The following CHL1 variants were observed in gnomAD, a reference collection of about 807,000 sequenced individuals.
CHL1 encodes the protein neural cell adhesion molecule L1-like protein.
CHL1 carries 96 observed loss-of-function variants against 141.9 expected under a neutral mutation model. The ratio of observed to expected loss-of-function variants is 0.68; its 90% CI spans 0.57 to 0.80. The LOEUF (loss-of-function observed/expected upper bound fraction) is 0.80. Among genes scored for constraint, CHL1 ranks in the 30% least tolerant of loss-of-function variants. The pLI is 0.00. For missense variants in CHL1, 1,820 were observed against 1,457.2 expected, an observed-to-expected ratio of 1.25 and a Z score of -4.05; for synonymous variants, 613 against 502.2, an observed-to-expected ratio of 1.22 and a Z score of -2.95.
intron 2 of CHL1, among the ~76,000 whole-genome samples, chr3:311,266 A>T (rs1699728783): frequency 6.6e-6 from 1 of 151,950 alleles, no homozygotes; most frequent in African/African-American, 2.4e-5. Flanking sequence ...CACATGTGAG[A>T]GTTTGTTTAG....
chr3:369,495 T>A (rs997048360), intron 15 of CHL1, among the ~76,000 whole-genome samples: 1 of 152,242 alleles, frequency 6.6e-6, no homozygotes, highest in Non-Finnish European at 1.5e-5. Flanking sequence ...CAAGGAGTTT[T>A]GGGGCTTAGA....
chr3:282,176 G>A (rs1559196151), intron 2 of CHL1, among the ~76,000 whole-genome samples: 1 of 151,738 alleles, frequency 6.6e-6, no homozygotes, highest in Non-Finnish European at 1.5e-5. Context: ...ATCTGTTCTG[G>A]GGAATACAAT....
At chr3:229,785 T>C (rs1308398347) in intron 1 of CHL1, among the ~76,000 whole-genome samples, 1 of 152,226 alleles carries the variant, frequency 6.6e-6, no homozygotes, top group Non-Finnish European at 1.5e-5. Context: ...ATGTTGACTG[T>C]GCACAGTTTA....
chr3:198,362 C>G (rs1369314932), intron 1 of CHL1, among the ~76,000 whole-genome samples: 2 of 151,846 alleles, frequency 1.3e-5, no homozygotes, highest in Non-Finnish European at 2.9e-5. Context: ...CGCGCTCCCG[C>G]GGGAACGCGC....
intron 5 of CHL1, among the ~76,000 whole-genome samples, chr3:338,052 G>A (rs1559276464): frequency 6.6e-6 from 1 of 152,100 alleles, no homozygotes; most frequent in Non-Finnish European, 1.5e-5. Flanking sequence ...TTTTAGTAGA[G>A]ACGGGGTTTC....
chr3:328,203 C>T lies in CHL1; in HGVS notation c.234C>T (p.Phe78=), dbSNP rs1701157370. ...CTAAGGATGGCAACCCTTTTTATTTCACTGACCATCGGATAATTCCATCGA... is the reference window on the plus strand; with the variant it reads ...CTAAGGATGGCAACCCTTTTTATTTTACTGACCATCGGATAATTCCATCGA... The part of the protein sequence containing the change: ...SWTKDGNPFY[F]TDHRIIPSNN... Residue 78 remains phenylalanine (F), a synonymous_variant, in exon 5 of 28, where the codon TTC becomes TTT. Transcript: ENST00000256509. 6.2e-7 allele frequency: 1 copy of T among 1,604,570 alleles called. No homozygotes were observed.
At chr3:369,351 C>T (rs1332786813) in intron 15 of CHL1, among the ~76,000 whole-genome samples, 3 of 151,790 alleles carry the variant, frequency 2.0e-5, no homozygotes, top group African/African-American at 7.3e-5. Flanking sequence ...ATTTGATTCT[C>T]TTTGTAGCAA....
intron 1 of CHL1, among the ~76,000 whole-genome samples, chr3:221,556 C>A (rs1239006134): frequency 1.3e-5 from 2 of 152,126 alleles, no homozygotes; most frequent in African/African-American, 4.8e-5. Flanking sequence ...TTGTGAAAGA[C>A]CAGACAAAAA....
At chr3:322,645 A>AATATATATATATATATATATATAATT (rs1700667856) in intron 3 of CHL1, among the ~76,000 whole-genome samples, 11 of 130,208 alleles carry the variant, frequency 8.4e-5, no homozygotes, top group Admixed American at 2.5e-4. Flanking sequence ...ATATATATAA[A>AATATATATATATATATATATATAATT]ATATATATAT....
chr3:253,387 T>C (rs771354957), intron 2 of CHL1, among the ~76,000 whole-genome samples: 1 of 152,138 alleles, frequency 6.6e-6, no homozygotes, highest in Non-Finnish European at 1.5e-5. Context: ...TATCAGAGAA[T>C]TATACCAGTA....
chr3:211,806 A>G (rs982334500), intron 1 of CHL1, among the ~76,000 whole-genome samples: 12 of 152,226 alleles, frequency 7.9e-5, no homozygotes, highest in African/African-American at 2.9e-4. Context: ...GTAATACTAT[A>G]AATTGCTTTT....
At chr3:296,866 A>C (rs1472635619) in intron 2 of CHL1, among the ~76,000 whole-genome samples, 3 of 152,202 alleles carry the variant, frequency 2.0e-5, no homozygotes, top group African/African-American at 7.2e-5. Flanking sequence ...ATGTGCATGT[A>C]ATTATATCAG....
intron 1 of CHL1, chr3:197,764 G>A (rs1187395413): frequency 2.2e-6 from 1 of 455,734 alleles, no homozygotes; most frequent in East Asian, 7.0e-5. Context: ...GCGAGAGGGC[G>A]CGCCGGGGGC....
At chr3:204,174 T>G (rs1699205954) in intron 1 of CHL1, among the ~76,000 whole-genome samples, 1 of 152,240 alleles carries the variant, frequency 6.6e-6, no homozygotes. Flanking sequence ...AGAGCTGACA[T>G]AGCAGAGAGA....
At chr3:288,528 G>T (rs1697377048) in intron 2 of CHL1, among the ~76,000 whole-genome samples, 1 of 152,030 alleles carries the variant, frequency 6.6e-6, no homozygotes. Context: ...TCTGTCTTTT[G>T]GCTCTGTTGC....
At chr3:322,345 G>C (rs1427255376) in intron 3 of CHL1, among the ~76,000 whole-genome samples, 1 of 151,722 alleles carries the variant, frequency 6.6e-6, no homozygotes, top group Non-Finnish European at 1.5e-5. Flanking sequence ...GTTTGGAAAG[G>C]CATTTAGTTT....
rs150211430 is a variant in CHL1, at chr3:405,698, C to G, written c.3662C>G (p.Pro1221Arg). 12 of 1,612,736 alleles carry G rather than the reference C, an allele frequency of 7.4e-6. No individual in the cohort carries two copies. The highest frequency in any genetic ancestry group is 1.6e-4 in the Middle Eastern group (1 of 6,062). Reference sequence around the variant, plus strand: ...AATGGAAGTTCTACAGCAACTTTTCCCCTTCGGGCATAAACACAACATATG... The same window carrying G: ...AATGGAAGTTCTACAGCAACTTTTCGCCTTCGGGCATAAACACAACATATG... ...ESNGSSTATF[P>R]LRA The change falls in exon 28 of 28, where the codon CCC becomes CGC. Residue 1221 changes from proline to arginine, a missense_variant. Coordinates refer to ENST00000256509, the MANE Select transcript of CHL1 (RefSeq NM_006614.4).
chr3:317,183 C>G (rs2125021016), intron 2 of CHL1, among the ~76,000 whole-genome samples: 1 of 152,100 alleles, frequency 6.6e-6, no homozygotes, highest in Non-Finnish European at 1.5e-5. Flanking sequence ...AGTCATTATT[C>G]ATATTCTGAA....
chr3:268,734 T>C (rs1422779807), intron 2 of CHL1, among the ~76,000 whole-genome samples: 2 of 152,132 alleles, frequency 1.3e-5, no homozygotes, highest in African/African-American at 2.4e-5. Flanking sequence ...CATCTTATAG[T>C]CTTGTTAGCA....
Sources: allele counts gnomAD v4.1 joint callset (sites outside exome capture counted in the v4.1 genomes callset), GRCh38; gene constraint gnomAD v4.1.1; transcripts MANE v1.5; gene names NCBI Gene and HGNC (gene_info 2026-07-23, HGNC 2026-07-21).